H2BC5: variants seen among roughly 807,000 people sequenced by gnomAD.
H2BC5 encodes H2B clustered histone 5.
Under a neutral mutation model 5.7 loss-of-function variants are expected in H2BC5, and 9 were observed. The ratio of observed to expected loss-of-function variants is 1.57; its 90% CI spans 0.95 to 2.74. H2BC5 has a LOEUF of 2.74. Ranked by LOEUF, H2BC5 falls within the 30% of genes most tolerant of loss-of-function variation. H2BC5 has a pLI of 0.00. For missense variants in H2BC5, 175 were observed against 168.8 expected (o/e 1.04, Z -0.20); for synonymous variants, 133 against 70.9 (o/e 1.88, Z -4.40).
In H2BC5 at chr6:26,164,826, T is replaced by A. The variant is rs1047732347; in HGVS notation, c.*10-6149T>A. ...CCTGAGCCCCAGGAGAACCGGCACCTTGATCTTGTAGGGTTTATCATCACC... is the reference window on the plus strand; with the variant it reads ...CCTGAGCCCCAGGAGAACCGGCACCATGATCTTGTAGGGTTTATCATCACC... On this transcript the variant is annotated intron_variant, in intron 1 of 1. Transcript: ENST00000289316. Among the ~76,000 whole-genome samples, 3 of 152,080 alleles carry A rather than the reference T, an allele frequency of 2.0e-5. No individual in the cohort carries two copies. The East Asian group carries it at 5.8e-4, about 30-fold the overall frequency.
rs747083306 is a variant in H2BC5, at chr6:26,158,153, T to A, written c.-17T>A. On this transcript the variant is annotated 5_prime_UTR_variant, in exon 1 of 1. Coordinates refer to ENST00000377777, the MANE Select transcript of H2BC5 (RefSeq NM_021063.4). ...TTCTCAGGTGTTTGCAACAGTGTTC[T>A]AACTATTAACGCTACGATGCCTGAA... The A allele has an allele frequency of 5.0e-6, 8 of 1,608,158 alleles. No homozygotes were observed. Among genetic ancestry groups the A allele is most frequent in the East Asian group, 4.5e-5 (2 of 44,862 alleles).
At chr6:26,161,670 G>A (rs984887382), downstream of H2BC5, among the ~76,000 whole-genome samples, 2 of 152,122 alleles carry the variant, frequency 1.3e-5, no homozygotes. Context: ...TACTCAGGAG[G>A]CTGAGGTGAG....
downstream of H2BC5, among the ~76,000 whole-genome samples, chr6:26,162,594 C>T (rs915906207): frequency 5.3e-5 from 8 of 151,994 alleles, no homozygotes; most frequent in East Asian, 1.2e-3. Context: ...CAGGCTGGAG[C>T]GCAGTGGCCG....
At position 26,158,189 on chromosome 6, in the gene H2BC5, C is replaced by G. The variant is rs368384735; in HGVS notation, c.20C>G (p.Ser7Cys). The stretch of plus-strand genomic sequence containing the variant: ...GCTACGATGCCTGAACCTACCAAGT[C>G]TGCTCCTGCCCCAAAGAAGGGCTCC... MPEPTKSAPAPKKGSKK... is the reference protein window; with the variant it reads MPEPTKCAPAPKKGSKK... The change falls in exon 1 of 1, where the codon TCT becomes TGT. Residue 7 changes from serine (S) to cysteine (C), a missense_variant. Physicochemically the swap from Ser to Cys is moderately radical, Grantham distance 112. This residue lies in a region of H2BC5 where 119 missense variants were observed against 85.6 expected (regional missense o/e 1.39). Coordinates refer to ENST00000377777, the MANE Select transcript of H2BC5 (RefSeq NM_021063.4). The G allele has an allele frequency of 1.5e-5, 25 of 1,614,018 alleles. No homozygotes were observed. The highest frequency in any genetic ancestry group is 2.0e-5 in the Non-Finnish European group (24 of 1,180,012).
chr6:26,164,158 G>T, intron 1 of H2BC5: 1 of 450,686 alleles, frequency 2.2e-6, no homozygotes, highest in Non-Finnish European at 4.5e-6. Flanking sequence ...CCAACCACAA[G>T]CAACACTCAG....
chr6:26,163,340 G>A (rs1414181671), downstream of H2BC5: 2 of 152,150 alleles, frequency 1.3e-5, no homozygotes, highest in Middle Eastern at 3.4e-3. Flanking sequence ...AATTATGGTA[G>A]CTCTATAAGC....
At chr6:26,169,433 A>G (rs1427715912) in intron 1 of H2BC5, among the ~76,000 whole-genome samples, 1 of 152,236 alleles carries the variant, frequency 6.6e-6, no homozygotes, top group African/African-American at 2.4e-5. Context: ...GCAAAGTCAA[A>G]TGAACGTGGG....
downstream of H2BC5, among the ~76,000 whole-genome samples, chr6:26,160,514 GAAAAAAA>G (rs34183291): frequency 7.3e-5 from 4 of 55,166 alleles, no homozygotes; most frequent in Admixed American, 2.2e-4. Context: ...TCCTGTCTCT[GAAAAAAA>G]AAAAAAAAAA....
intron 1 of H2BC5, chr6:26,164,024 G>C: frequency 2.3e-6 from 1 of 430,640 alleles, no homozygotes. Flanking sequence ...GATAAGAATA[G>C]TAAAAGAACT....
chr6:26,158,558 A>C lies in H2BC5; in HGVS notation c.*8A>C. The C allele has an allele frequency of 6.2e-7, 1 of 1,614,100 alleles. No homozygotes were observed. Among genetic ancestry groups the C allele is most frequent in the African/African-American group, 1.3e-5 (1 of 75,074 alleles). ...TACACCAGTTCCAAGTAACTTTGCC[A>C]AGTAAGCATCTTTACACCTAATCCC... On this transcript the variant is annotated 3_prime_UTR_variant, in exon 1 of 1. Coordinates refer to ENST00000377777, the MANE Select transcript of H2BC5 (RefSeq NM_021063.4).
downstream of H2BC5, chr6:26,158,776 T>A: frequency 1.5e-6 from 1 of 678,666 alleles, no homozygotes; most frequent in Non-Finnish European, 2.5e-6. Flanking sequence ...ACGTATTAGA[T>A]CGTTAGCTCA....
At chr6:26,164,125 A>G in intron 1 of H2BC5, 1 of 451,928 alleles carries the variant, frequency 2.2e-6, no homozygotes. Context: ...ACTTCTGAGT[A>G]GATCCCCCCG....
At chr6:26,170,954 CCTT>C (rs544826258) in intron 1 of H2BC5, 23 of 152,022 alleles carry the variant, frequency 1.5e-4, no homozygotes, top group Admixed American at 1.5e-3. Flanking sequence ...ATAACTAAAC[CCTT>C]CTTATTTCTT....
At position 26,158,344 on chromosome 6, in the gene H2BC5, G is replaced by T. The variant is rs753842669; in HGVS notation, c.175G>T (p.Ala59Ser). 1.2e-6 allele frequency: 2 copies of T among 1,614,254 alleles called. No individual in the cohort carries two copies. The highest frequency in any genetic ancestry group is 1.7e-6 in the Non-Finnish European group (2 of 1,180,054). The change falls in exon 1 of 1, where the codon GCA becomes TCA. Residue 59 changes from alanine to serine, a missense_variant. Physicochemically the swap from Ala to Ser is moderately conservative, Grantham distance 99. Transcript: ENST00000377777. Reference sequence around the variant, plus strand: ...TCCCGACACCGGCATCTCTTCCAAGGCAATGGGGATCATGAATTCCTTCGT... The same window carrying T: ...TCCCGACACCGGCATCTCTTCCAAGTCAATGGGGATCATGAATTCCTTCGT... ...VHPDTGISSK[A>S]MGIMNSFVND...
downstream of H2BC5, chr6:26,158,683 T>C (rs1764285604): frequency 3.0e-6 from 4 of 1,350,638 alleles, no homozygotes; most frequent in Non-Finnish European, 4.0e-6. Context: ...TACCAATCTT[T>C]AATGTTACGT....
At chr6:26,163,486 GAAGTC>G (rs1764379286), downstream of H2BC5, 1 of 152,126 alleles carries the variant, frequency 6.6e-6, no homozygotes, top group Non-Finnish European at 1.5e-5. Context: ...CCTTGAGGTT[GAAGTC>G]AAGCTGTAAA....
intron 1 of H2BC5, chr6:26,163,983 C>T (rs889750269): frequency 6.2e-6 from 2 of 322,286 alleles, no homozygotes; most frequent in South Asian, 2.8e-5. Flanking sequence ...CTGGCACATA[C>T]CCAGAAGTAG....
chr6:26,165,268 C>G (rs1336389399), intron 1 of H2BC5, among the ~76,000 whole-genome samples: 14 of 152,322 alleles, frequency 9.2e-5, no homozygotes. Flanking sequence ...CTCCCACCTT[C>G]TCTGGATGTG....
chr6:26,165,835 G>T (rs1287136398), intron 1 of H2BC5, among the ~76,000 whole-genome samples: 2 of 152,214 alleles, frequency 1.3e-5, no homozygotes, highest in African/African-American at 2.4e-5. Flanking sequence ...GGAGGTGGGG[G>T]CCAGGAGGGA....
Sources: allele counts gnomAD v4.1 joint callset (sites outside exome capture counted in the v4.1 genomes callset), GRCh38; gene constraint gnomAD v4.1.1; regional missense constraint gnomAD v4.1.1; transcripts MANE v1.5; gene names NCBI Gene and HGNC (gene_info 2026-07-23, HGNC 2026-07-21).